GTF2IRD1: variants seen among roughly 807,000 people sequenced by gnomAD.
GTF2IRD1 encodes the protein general transcription factor II-I repeat domain-containing protein 1.
In GTF2IRD1, 26 loss-of-function variants were observed where a neutral mutation model predicts 113.2. The ratio of observed to expected loss-of-function variants is 0.23; its 90% confidence interval spans 0.17 to 0.32. GTF2IRD1 has a LOEUF of 0.32. GTF2IRD1 is among the 10% of genes least tolerant of loss of function. GTF2IRD1 has a pLI of 1.00. For synonymous variants in GTF2IRD1, 484 were observed against 529.1 expected, an observed-to-expected ratio of 0.91 and a Z score of 1.17; for missense variants, 864 against 1,280.8, an observed-to-expected ratio of 0.67 and a Z score of 4.97.
chr7:74,570,433 G>A (rs1562879539), intron 22 of GTF2IRD1, among the ~76,000 whole-genome samples: 1 of 151,790 alleles, frequency 6.6e-6, no homozygotes, highest in Non-Finnish European at 1.5e-5. Context: ...GCCAAGGCAG[G>A]AGGATTGCTT....
chr7:74,549,416 C>T (rs1325249617), intron 17 of GTF2IRD1, among the ~76,000 whole-genome samples: 4 of 152,068 alleles, frequency 2.6e-5, no homozygotes, highest in South Asian at 2.1e-4. Flanking sequence ...AGACTCACAG[C>T]GTCATTTTTC....
chr7:74,589,716 A>AG, intron 22 of GTF2IRD1, 135 bp from the exon 23 acceptor site: 1 of 547,262 alleles, frequency 1.8e-6, no homozygotes, highest in Non-Finnish European at 3.3e-6. Flanking sequence ...AAAAAAAAAA[A>AG]CAGCTATATA....
At chr7:74,456,410 G>A (rs190562825) in intron 1 of GTF2IRD1, among the ~76,000 whole-genome samples, 51 of 152,288 alleles carry the variant, frequency 3.3e-4, no homozygotes, top group African/African-American at 1.2e-3. Context: ...CTGGCCGGGC[G>A]CAGTGGCTCA....
chr7:74,589,718 A>G (rs782565619), intron 22 of GTF2IRD1, 133 bp from the exon 23 acceptor site: 10 of 532,038 alleles, frequency 1.9e-5, no homozygotes, highest in Non-Finnish European at 3.4e-5. Flanking sequence ...AAAAAAAAAC[A>G]GCTATATAGG....
rs2130348149 is a variant in GTF2IRD1, at chr7:74,524,005, G to T, written c.1007-66G>T. ...CTGGGGGTGAAAGCCCGGTGGTCAT[G>T]GCCGGTGGAGGGCGTGTGACCGTCC... On this transcript the variant is annotated intron_variant, in intron 7 of 26. Transcript: ENST00000424337. 7 of 1,145,184 alleles carry T rather than the reference G, an allele frequency of 6.1e-6. No homozygotes were observed. In the East Asian group the frequency reaches 1.7e-4, roughly 28 times the overall value. 70.9% of individuals were successfully genotyped at this position (1,145,184 alleles called of 1,614,324 possible). A position where few individuals can be genotyped will look rare whatever the true frequency, so the allele number is the denominator to read the frequency against.
intron 1 of GTF2IRD1, among the ~76,000 whole-genome samples, chr7:74,505,274 C>T (rs782441404): frequency 2.6e-5 from 4 of 152,334 alleles, no homozygotes; most frequent in Non-Finnish European, 4.4e-5. Context: ...TCCTAGCAGA[C>T]GTGGGCCTGG....
At chr7:74,561,788 G>T (rs1183716476) in intron 22 of GTF2IRD1, among the ~76,000 whole-genome samples, 1 of 152,120 alleles carries the variant, frequency 6.6e-6, no homozygotes, top group Admixed American at 6.6e-5. Flanking sequence ...TGGTATTCTA[G>T]AGGAACTAGG....
At chr7:74,499,293 G>A (rs1477141909) in intron 1 of GTF2IRD1, among the ~76,000 whole-genome samples, 2 of 152,298 alleles carry the variant, frequency 1.3e-5, no homozygotes, top group South Asian at 2.1e-4. Context: ...CCAATGGCCC[G>A]GCGGAGGTGT....
intron 3 of GTF2IRD1, among the ~76,000 whole-genome samples, chr7:74,515,056 C>CAAAAAAA (rs782246030): frequency 3.0e-5 from 2 of 66,792 alleles, no homozygotes; most frequent in African/African-American, 1.1e-4. Context: ...GACTCTGTCT[C>CAAAAAAA]AAAAAAAAAA....
chr7:74,593,625 C>T (rs1485832844), intron 24 of GTF2IRD1, among the ~76,000 whole-genome samples: 3 of 150,204 alleles, frequency 2.0e-5, no homozygotes, highest in Non-Finnish European at 3.0e-5. Flanking sequence ...TCCAGCTACT[C>T]GAGAGGCTGA....
chr7:74,537,596 C>T (rs1798374813), intron 11 of GTF2IRD1, among the ~76,000 whole-genome samples: 1 of 152,128 alleles, frequency 6.6e-6, no homozygotes, highest in Admixed American at 6.6e-5. Context: ...TCCACCAACA[C>T]CCCCCAAGCA....
At chr7:74,471,637 T>C (rs1037525788) in intron 1 of GTF2IRD1, among the ~76,000 whole-genome samples, 11 of 112,276 alleles carry the variant, frequency 9.8e-5, no homozygotes, top group Admixed American at 5.2e-4. Context: ...CTGGGTAACA[T>C]AGCAAGACCC....
chr7:74,507,319 C>T (rs1796350838), intron 1 of GTF2IRD1: 2 of 152,010 alleles, frequency 1.3e-5, no homozygotes, highest in South Asian at 2.1e-4. Context: ...ACTAAAAATA[C>T]AAAAATTAGC....
At chr7:74,556,926 A>G (rs1799636269) in intron 19 of GTF2IRD1, among the ~76,000 whole-genome samples, 1 of 151,612 alleles carries the variant, frequency 6.6e-6, no homozygotes, top group Non-Finnish European at 1.5e-5. Flanking sequence ...GCCCGGTCAC[A>G]CTTGGGCGTT....
chr7:74,584,925 C>T (rs782165054), intron 22 of GTF2IRD1, among the ~76,000 whole-genome samples: 16 of 152,018 alleles, frequency 1.1e-4, no homozygotes, highest in Admixed American at 2.6e-4. Flanking sequence ...CCTCCGCCCC[C>T]GGAGTAGCTG....
chr7:74,500,121 AGGGCTT>A (rs1232667616), intron 1 of GTF2IRD1, among the ~76,000 whole-genome samples: 1 of 152,160 alleles, frequency 6.6e-6, no homozygotes, highest in Non-Finnish European at 1.5e-5. Flanking sequence ...GCATGGTGTA[AGGGCTT>A]GGGCTTGGGC....
At chr7:74,599,320 A>G (rs1802605836) in intron 25 of GTF2IRD1, among the ~76,000 whole-genome samples, 1 of 152,174 alleles carries the variant, frequency 6.6e-6, no homozygotes, top group Non-Finnish European at 1.5e-5. Context: ...CGAGGTTTCC[A>G]TGCAGTAATC....
At position 74,590,973 on chromosome 7, in the gene GTF2IRD1, G is replaced by A. The variant is rs1309172406; in HGVS notation, c.2547G>A (p.Leu849=). The A allele has an allele frequency of 1.9e-6, 3 of 1,613,340 alleles. No homozygotes were observed. The highest frequency in any genetic ancestry group is 2.2e-5 in the South Asian group (2 of 91,036). Reference sequence around the variant, plus strand: ...ACATCCACCGGCTGGAGAAGATCCTGAAGGCCCGAGAGCATGTCCGCATGG... The same window carrying A: ...ACATCCACCGGCTGGAGAAGATCCTAAAGGCCCGAGAGCATGTCCGCATGG... The part of the protein sequence containing the change: ...TYDIHRLEKI[L]KAREHVRMVI... Residue 849 remains leucine, a synonymous_variant, in exon 24 of 27, where the codon CTG becomes CTA. Coordinates refer to ENST00000424337, the MANE Select transcript of GTF2IRD1 (RefSeq NM_005685.4).
At chr7:74,459,564 C>T (rs1180492634) in intron 1 of GTF2IRD1, among the ~76,000 whole-genome samples, 3 of 152,098 alleles carry the variant, frequency 2.0e-5, no homozygotes, top group Non-Finnish European at 2.9e-5. Context: ...GTGAACAGAA[C>T]TCTCTCGCCC....
Sources: allele counts gnomAD v4.1 joint callset (sites outside exome capture counted in the v4.1 genomes callset), GRCh38; gene constraint gnomAD v4.1.1; transcripts MANE v1.5; gene names NCBI Gene and HGNC (gene_info 2026-07-23, HGNC 2026-07-21).